The following DNASE1L3 variants were observed in gnomAD, a reference collection of about 807,000 sequenced individuals.
DNASE1L3 encodes the protein deoxyribonuclease 1L3.
A neutral mutation model predicts 30.9 loss-of-function variants in DNASE1L3; 27 were observed. The observed-to-expected ratio is 0.87, with a 90% CI of 0.64 to 1.20. The LOEUF (loss-of-function observed/expected upper bound fraction) is 1.20. Ranked by LOEUF, DNASE1L3 falls within the 50% of genes most tolerant of loss-of-function variation. DNASE1L3 has a pLI of 0.00. For synonymous variants in DNASE1L3, 135 were observed against 138.0 expected, an observed-to-expected ratio of 0.98 and a Z score of 0.15; for missense variants, 364 against 378.2, an observed-to-expected ratio of 0.96 and a Z score of 0.31.
intron 6 of DNASE1L3, among the ~76,000 whole-genome samples, chr3:58,195,613 CAAAAA>C (rs34773952): frequency 7.8e-5 from 3 of 38,442 alleles, no homozygotes; most frequent in Non-Finnish European, 1.5e-4. Context: ...ACTAAAATTA[CAAAAA>C]AAAAAAAAAA....
At position 58,193,437 on chromosome 3, in the gene DNASE1L3, A is replaced by G; in HGVS notation, c.707T>C (p.Ile236Thr). 6.2e-7 allele frequency: 1 copy of G among 1,610,224 alleles called. No homozygotes were observed. Among genetic ancestry groups the G allele is most frequent in the Admixed American group, 1.7e-5 (1 of 59,904 alleles). Residue 236 changes from isoleucine (I) to threonine (T), a missense_variant and splice_region_variant, in exon 7 of 8, where the codon ATT becomes ACT. Physicochemically the swap from Ile to Thr is moderately conservative, Grantham distance 89. Coordinates refer to ENST00000394549, the MANE Select transcript of DNASE1L3 (RefSeq NM_004944.4). ...GACGATTTCTTGTCCTCTAAGCACAATCCTGGAACAAGGGGAGGGAAAACA... is the reference window on the plus strand; with the variant it reads ...GACGATTTCTTGTCCTCTAAGCACAGTCCTGGAACAAGGGGAGGGAAAACA... ...KKSTNCAYDR[I>T]VLRGQEIVSS...
At chr3:58,210,648 C>A (rs539099952) in intron 1 of DNASE1L3, 118 bp downstream of exon 1, 2 of 1,487,494 alleles carry the variant, frequency 1.3e-6, no homozygotes, top group Non-Finnish European at 1.8e-6. Context: ...TTGTTCCAAG[C>A]CAGCTTCTAC....
Position 58,192,947 on chromosome 3 carries a change from T to C in DNASE1L3, c.802-144A>G. 1 of 1,454,142 alleles carries C rather than the reference T, an allele frequency of 6.9e-7. No individual in the cohort carries two copies. Among genetic ancestry groups the C allele is most frequent in the Non-Finnish European group, 9.0e-7 (1 of 1,110,588 alleles). The allele number at this position is 1,454,142 out of a possible 1,614,324, so 90.1% of individuals were successfully genotyped here. A position where few individuals can be genotyped will look rare whatever the true frequency, so the allele number is the denominator to read the frequency against. On this transcript the variant is annotated intron_variant, in intron 7 of 7. Coordinates refer to ENST00000394549, the MANE Select transcript of DNASE1L3 (RefSeq NM_004944.4). This position sits in a 1 kb window ranked among gnomAD's most constrained non-coding sequence, Gnocchi z 4.8. ...ACAGAACACTTACTGGTAAGCGTCATTCCAAGACCAGCTCGATCAGAAATT... is the reference window on the plus strand; with the variant it reads ...ACAGAACACTTACTGGTAAGCGTCACTCCAAGACCAGCTCGATCAGAAATT...
At position 58,197,928 on chromosome 3, in the gene DNASE1L3, C is replaced by T. The variant is rs2097398377; in HGVS notation, c.597G>A (p.Lys199=). ...TCAAGCGGATGTTCTTCCAGGCCTTCTTGGGGACGTAGCTGCAGCCGGCAT... is the reference window on the plus strand; with the variant it reads ...TCAAGCGGATGTTCTTCCAGGCCTTTTTGGGGACGTAGCTGCAGCCGGCAT... ...DFNAGCSYVP[K]KAWKNIRLRT... is the part of the protein sequence containing the mutation. Residue 199 remains lysine, a synonymous_variant, in exon 6 of 8, where the codon AAG becomes AAA. Coordinates refer to ENST00000394549, the MANE Select transcript of DNASE1L3 (RefSeq NM_004944.4). This position sits in a 1 kb window ranked among gnomAD's most constrained non-coding sequence, Gnocchi z 5.3. 6.2e-7 allele frequency: 1 copy of T among 1,613,894 alleles called. No individual in the cohort carries two copies. Among genetic ancestry groups the T allele is most frequent in the African/African-American group, 1.3e-5 (1 of 74,924 alleles).
rs2107364710 is a variant in DNASE1L3 at position 58,192,497 on chromosome 3, A to AG, written c.*189dup. 1 of 523,644 alleles carries AG rather than the reference A, an allele frequency of 1.9e-6. No individual in the cohort carries two copies. Among genetic ancestry groups the AG allele is most frequent in the African/African-American group, 2.0e-5 (1 of 51,154 alleles). The allele number at this position is 523,644 out of a possible 1,614,324, so 32.4% of individuals were successfully genotyped here. The stretch of plus-strand genomic sequence containing the variant: ...CCCCTGGTTCCCTTTTAGACAATTC[A>AG]GGGGAGGTATGAGACCAAGAGAGAT... On this transcript the variant is annotated 3_prime_UTR_variant, in exon 8 of 8. Coordinates refer to ENST00000394549, the MANE Select transcript of DNASE1L3 (RefSeq NM_004944.4). The surrounding 1 kb of genome is among the most constrained non-coding windows in gnomAD (Gnocchi z 4.8).
In DNASE1L3 at chr3:58,210,820, C is replaced by T; in HGVS notation, c.87G>A (p.Arg29=). The T allele has an allele frequency of 3.1e-6, 5 of 1,614,122 alleles. No individual in the cohort carries two copies. Among genetic ancestry groups the T allele is most frequent in the Non-Finnish European group, 3.4e-6 (4 of 1,180,006 alleles). The part of the protein sequence containing the change: ...LAMRICSFNV[R]SFGESKQEDK... ...CTTCCTGCTTGCTTTCCCCAAAGGA[C>T]CTGACGTTGAAGGAGCAGATCCTCA... Residue 29 remains arginine (R), a synonymous_variant, in exon 1 of 8, where the codon AGG becomes AGA. Coordinates refer to ENST00000394549, the MANE Select transcript of DNASE1L3 (RefSeq NM_004944.4).
At position 58,205,473 on chromosome 3, in the gene DNASE1L3, GT is replaced by G. The variant is rs1164270727; in HGVS notation, c.317del (p.Tyr106SerfsTer8). 8 of 1,612,868 alleles carry G rather than the reference GT, an allele frequency of 5.0e-6. No homozygotes were observed. The African/African-American group carries it at 1.1e-4, about 22-fold the overall frequency. On this transcript the variant is annotated frameshift_variant, in exon 3 of 8. Coordinates refer to ENST00000394549, the MANE Select transcript of DNASE1L3 (RefSeq NM_004944.4). LOFTEE classifies it high-confidence loss of function. ...NTYKEQYAFLYKEKLVSVKRS... is the reference protein window; with the variant it reads ...NTYKEQYAFLXKEKLVSVKRS... ...CAGGGAGCATAGGTGATACTTACTT[GT>G]AGAGAAAGGCATATTGTTCTTTATA...
chr3:58,200,710 A>G lies in DNASE1L3; in HGVS notation c.546+287T>C, dbSNP rs562286885. ...TTGGGAGGATTAAATAAACTTGTCC[A>G]TGTCAAGTCTCAGCACAGTGCCTGG... is the stretch of plus-strand genomic sequence containing the variant. On this transcript the variant is annotated intron_variant, in intron 5 of 7. Transcript: ENST00000394549. This position sits in a 1 kb window ranked among gnomAD's most constrained non-coding sequence, Gnocchi z 4.2. Among the ~76,000 whole-genome samples the G allele has an allele frequency of 8.9e-4, 136 of 152,354 alleles. 1 individual carries two copies. The highest frequency in any genetic ancestry group is 3.0e-3 in the African/African-American group (123 of 41,582).
At chr3:58,207,098 C>T (rs1022005524) in intron 2 of DNASE1L3, among the ~76,000 whole-genome samples, 1 of 152,146 alleles carries the variant, frequency 6.6e-6, no homozygotes, top group African/African-American at 2.4e-5. Context: ...TGGCCAGGTG[C>T]AGCGGCTCAC....
At chr3:58,195,264 C>T (rs534282366) in intron 6 of DNASE1L3, among the ~76,000 whole-genome samples, 63 of 152,200 alleles carry the variant, frequency 4.1e-4, no homozygotes, top group Non-Finnish European at 6.9e-4. Context: ...TCATTTTCTC[C>T]GTTTATTTTA....
chr3:58,210,751 A>G lies in DNASE1L3; in HGVS notation c.141+15T>C. On this transcript the variant is annotated intron_variant, in intron 1 of 7. Transcript: ENST00000394549. ...GAGGGGTGTCTGGGATCCTCCTCCC[A>G]GGAAAGGGGCTCACCTTCACAATGA... 1.2e-6 allele frequency: 2 copies of G among 1,614,018 alleles called. No individual in the cohort carries two copies. The highest frequency in any genetic ancestry group is 1.7e-6 in the Non-Finnish European group (2 of 1,179,916).
intron 5 of DNASE1L3, among the ~76,000 whole-genome samples, chr3:58,199,039 G>A (rs1207602506): frequency 6.6e-6 from 1 of 152,110 alleles, no homozygotes; most frequent in Non-Finnish European, 1.5e-5. Context: ...TTCCTTGTTT[G>A]TGCTATTGTT....
Position 58,192,742 on chromosome 3 carries a change from G to T in DNASE1L3, c.863C>A (p.Thr288Asn), listed in dbSNP as rs2097394958. ...EFKLQSSRAFTNSKKSVTLRK... is the reference protein window; with the variant it reads ...EFKLQSSRAFNNSKKSVTLRK... ...TAGAGTGACAGATTTTTTGCTGTTG[G>T]TGAAGGCCCTTGAAGACTGTAGTTT... Residue 288 changes from threonine to asparagine, a missense_variant, in exon 8 of 8, where the codon ACC becomes AAC. Transcript: ENST00000394549. This position sits in a 1 kb window ranked among gnomAD's most constrained non-coding sequence, Gnocchi z 4.8. The T allele has an allele frequency of 6.2e-7, 1 of 1,614,026 alleles. No individual in the cohort carries two copies. The highest frequency in any genetic ancestry group is 1.3e-5 in the African/African-American group (1 of 74,916).
intron 4 of DNASE1L3, among the ~76,000 whole-genome samples, chr3:58,201,393 C>T (rs1272419191): frequency 6.6e-6 from 1 of 152,212 alleles, no homozygotes; most frequent in Admixed American, 6.5e-5. Flanking sequence ...TTCAAAGTTT[C>T]CCTTCTTATT....
intron 4 of DNASE1L3, among the ~76,000 whole-genome samples, chr3:58,202,471 C>CA (rs886181834): frequency 2.0e-5 from 3 of 150,894 alleles, no homozygotes; most frequent in Non-Finnish European, 4.4e-5. Context: ...CTGGGAGTTA[C>CA]AAAAAGAGTA....
At chr3:58,205,602 A>T in intron 2 of DNASE1L3, 42 bp from the exon 3 acceptor site, 1 of 1,511,332 alleles carries the variant, frequency 6.6e-7, no homozygotes, top group South Asian at 1.1e-5. Flanking sequence ...AAGAGTAAAC[A>T]TTCCCCTACT....
Position 58,193,434 on chromosome 3 carries a change from A to G in DNASE1L3, c.710T>C (p.Val237Ala). The stretch of plus-strand genomic sequence containing the variant: ...ACTGACGATTTCTTGTCCTCTAAGC[A>G]CAATCCTGGAACAAGGGGAGGGAAA... ...KSTNCAYDRIVLRGQEIVSSV... is the reference protein window; with the variant it reads ...KSTNCAYDRIALRGQEIVSSV... The change falls in exon 7 of 8, where the codon GTG becomes GCG. Residue 237 changes from valine (V) to alanine (A), a missense_variant. Coordinates refer to ENST00000394549, the MANE Select transcript of DNASE1L3 (RefSeq NM_004944.4). The G allele has an allele frequency of 3.1e-6, 5 of 1,611,870 alleles. No individual in the cohort carries two copies. The highest frequency in any genetic ancestry group is 4.2e-6 in the Non-Finnish European group (5 of 1,178,134).
rs1575497412 is a variant in DNASE1L3 at position 58,200,779 on chromosome 3, G to A, written c.546+218C>T. Among the ~76,000 whole-genome samples, 1 of 152,186 alleles carries A rather than the reference G, an allele frequency of 6.6e-6. No homozygotes were observed. Among genetic ancestry groups the A allele is most frequent in the Admixed American group, 6.5e-5 (1 of 15,280 alleles). On this transcript the variant is annotated intron_variant, in intron 5 of 7. Transcript: ENST00000394549. The surrounding 1 kb of genome is among the most constrained non-coding windows in gnomAD (Gnocchi z 4.2). ...TAAATGTTGGCATCTGTTATTAATG[G>A]GAAAGTGTGGCAATTCCCAAGGCCC...
chr3:58,193,074 TC>T lies in DNASE1L3; in HGVS notation c.801+268del, dbSNP rs146679448. On this transcript the variant is annotated intron_variant, in intron 7 of 7. Transcript: ENST00000394549. ...GACCTCAAAGGGTGGCATCAACCCA[TC>T]TTTTTTTTTTTTTTTTTTTGAGACA... The T allele has an allele frequency of 7.3e-6, 10 of 1,371,378 alleles. No individual in the cohort carries two copies. In the African/African-American group the frequency reaches 1.5e-4, roughly 20 times the overall value. 85.0% of individuals were successfully genotyped at this position (1,371,378 alleles called of 1,614,324 possible).
Sources: gnomAD v4.1 joint callset for allele counts (sites outside exome capture counted in the v4.1 genomes callset) on GRCh38, gnomAD v4.1.1 for gene constraint, Gnocchi (gnomAD v3.1) non-coding constraint, MANE v1.5 for transcripts, NCBI Gene and HGNC (gene_info 2026-07-23, HGNC 2026-07-21) for gene names.